The following CFAP47 variants were observed in gnomAD, a reference collection of about 807,000 sequenced individuals.
CFAP47 encodes the protein cilia and flagella associated protein 47.
A neutral mutation model predicts 148.1 loss-of-function variants in CFAP47; 29 were observed. The observed-to-expected ratio is 0.20, with a 90% CI of 0.15 to 0.27. The LOEUF (loss-of-function observed/expected upper bound fraction) is 0.27. Ranked by LOEUF, CFAP47 falls within the 10% of genes least tolerant of loss-of-function variation. CFAP47 has a pLI of 1.00. For synonymous variants in CFAP47, 664 were observed against 577.3 expected (o/e 1.15, Z -2.15); for missense variants, 1,872 against 1,697.5 (o/e 1.10, Z -1.81).
intron 26 of CFAP47, among the ~76,000 whole-genome samples, chrX:36,057,749 T>C (rs1228992891): frequency 9.0e-6 from 1 of 111,382 alleles, no homozygotes; most frequent in East Asian, 2.8e-4. Flanking sequence ...TCCTCAGGCT[T>C]ATTACAATTT....
intron 45 of CFAP47, among the ~76,000 whole-genome samples, chrX:36,227,403 C>T (rs990329822): frequency 9.0e-6 from 1 of 111,442 alleles, no homozygotes; most frequent in Non-Finnish European, 1.9e-5. Flanking sequence ...GCAACATAGA[C>T]ATGGAATATA....
intron 51 of CFAP47, among the ~76,000 whole-genome samples, chrX:36,289,451 A>G (rs1454354033): frequency 9.0e-6 from 1 of 111,633 alleles, no homozygotes; most frequent in Non-Finnish European, 1.9e-5. Flanking sequence ...GTTGTAAAAA[A>G]TTCTTAAATA....
In CFAP47 at chrX:36,233,849, G is replaced by T. The variant is rs1201382343; in HGVS notation, c.7015-2085G>T. Among the ~76,000 whole-genome samples, 409 of 110,592 alleles carry T rather than the reference G, an allele frequency of 3.7e-3. 1 individual carries two copies. Among genetic ancestry groups the T allele is most frequent in the African/African-American group, 0.013 (385 of 30,357 alleles). On this transcript the variant is annotated intron_variant, in intron 46 of 63. Coordinates refer to ENST00000378653, the MANE Select transcript of CFAP47 (RefSeq NM_001304548.2). ...TCTCAGCATTTGCTTGTCTGTAAAGGATTTTATTTCTCCTTCACTTATGAA... is the reference window on the plus strand; with the variant it reads ...TCTCAGCATTTGCTTGTCTGTAAAGTATTTTATTTCTCCTTCACTTATGAA...
intron 39 of CFAP47, among the ~76,000 whole-genome samples, chrX:36,170,976 A>C (rs1259331942): frequency 2.7e-5 from 3 of 109,791 alleles, no homozygotes; most frequent in Admixed American, 1.9e-4. Context: ...CTGACTTTTT[A>C]ATGATTGCCA....
At chrX:36,351,298 T>A (rs1444263399) in intron 59 of CFAP47, among the ~76,000 whole-genome samples, 1 of 112,216 alleles carries the variant, frequency 8.9e-6, no homozygotes, top group African/African-American at 3.2e-5. Context: ...ATAAATATTT[T>A]AAATATTATA....
chrX:36,121,243 A>C (rs1938737164), intron 33 of CFAP47, among the ~76,000 whole-genome samples: 3 of 111,084 alleles, frequency 2.7e-5, no homozygotes, highest in African/African-American at 6.5e-5. Context: ...ATTTTAGTCT[A>C]TGTGTACCTT....
chrX:36,306,876 G>C lies in CFAP47; in HGVS notation c.8187G>C (p.Gln2729His), dbSNP rs782079022. The change falls in exon 55 of 64, where the codon CAG (glutamine) becomes CAC (histidine). Residue 2729 changes from glutamine (Q) to histidine (H), a missense_variant and splice_region_variant. By Grantham distance (24) the Gln-to-His change is conservative. Coordinates refer to ENST00000378653, the MANE Select transcript of CFAP47 (RefSeq NM_001304548.2). ...CTTGCATCAACTTCTACTGTACTCA[G>C]GTATGATAGAGTATTCTTGGACCAA... is the stretch of plus-strand genomic sequence containing the variant. ...HQACINFYCTQFTEWKFYLSG... is the reference protein window; with the variant it reads ...HQACINFYCTHFTEWKFYLSG... The C allele has an allele frequency of 2.9e-6, 3 of 1,039,234 alleles. No homozygotes were observed. The highest frequency in any genetic ancestry group is 3.9e-6 in the Non-Finnish European group (3 of 775,335). 85.6% of individuals were successfully genotyped at this position (1,039,234 alleles called of 1,213,427 possible). A position where few individuals can be genotyped will look rare whatever the true frequency, so the allele number is the denominator to read the frequency against.
intron 40 of CFAP47, among the ~76,000 whole-genome samples, chrX:36,187,067 C>T (rs1382155642): frequency 1.8e-5 from 2 of 111,860 alleles, no homozygotes; most frequent in Non-Finnish European, 3.8e-5. Flanking sequence ...AGATTTATCA[C>T]TGGCTTTCTA....
intron 50 of CFAP47, among the ~76,000 whole-genome samples, chrX:36,284,464 C>A (rs1290131064): frequency 9.0e-6 from 1 of 111,223 alleles, no homozygotes; most frequent in African/African-American, 3.3e-5. Context: ...AAACAGGATG[C>A]AAAATAGTAC....
At chrX:36,308,538 G>A (rs868969948) in intron 55 of CFAP47, among the ~76,000 whole-genome samples, 2 of 111,434 alleles carry the variant, frequency 1.8e-5, no homozygotes, top group Middle Eastern at 4.7e-3. Context: ...ATGAACTTTT[G>A]AAAATGTGGT....
chrX:36,109,994 C>T (rs938258718), intron 33 of CFAP47, among the ~76,000 whole-genome samples: 1 of 111,038 alleles, frequency 9.0e-6, no homozygotes, highest in African/African-American at 3.3e-5. Context: ...TATAGATGAC[C>T]TTATATTCCT....
intron 26 of CFAP47, among the ~76,000 whole-genome samples, chrX:36,061,175 C>T (rs191967298): frequency 4.1e-4 from 45 of 111,024 alleles, no homozygotes; most frequent in African/African-American, 6.9e-4. Flanking sequence ...CCTCCTTCTC[C>T]GGCCGTGTAA....
At chrX:35,930,594 T>C (rs1045726472) in intron 2 of CFAP47, among the ~76,000 whole-genome samples, 1 of 111,510 alleles carries the variant, frequency 9.0e-6, no homozygotes, top group African/African-American at 3.3e-5. Context: ...TCTTTCAGAA[T>C]GTTTTAAATT....
At chrX:36,076,134 G>T (rs1467984734) in intron 29 of CFAP47, among the ~76,000 whole-genome samples, 3 of 108,709 alleles carry the variant, frequency 2.8e-5, no homozygotes, top group African/African-American at 1.0e-4. Context: ...GATCTTACTT[G>T]CATTCCTACC....
chrX:36,276,327 CCA>C (rs1224199925), intron 49 of CFAP47, among the ~76,000 whole-genome samples: 1 of 111,484 alleles, frequency 9.0e-6, no homozygotes, highest in Non-Finnish European at 1.9e-5. Flanking sequence ...TCTCTCACTA[CCA>C]GTGTTTGAGA....
Position 36,008,140 on chromosome X carries a change from C to A in CFAP47, c.3417+6433C>A, listed in dbSNP as rs777507067. Among the ~76,000 whole-genome samples, 3 of 111,331 alleles carry A rather than the reference C, an allele frequency of 2.7e-5. No individual in the cohort carries two copies. The South Asian group carries it at 1.2e-3, about 43-fold the overall frequency. On this transcript the variant is annotated intron_variant, in intron 21 of 63. Coordinates refer to ENST00000378653, the MANE Select transcript of CFAP47 (RefSeq NM_001304548.2). ...AGCCCCAGTAACTGTCGATTCAATT[C>A]ATCATGACTCAGATTCCTCTTTATT...
intron 56 of CFAP47, among the ~76,000 whole-genome samples, chrX:36,314,562 G>A (rs1461478916): frequency 8.9e-6 from 1 of 111,769 alleles, no homozygotes; most frequent in East Asian, 2.8e-4. Context: ...CTTACAGTCT[G>A]TTTACAGTTC....
At chrX:35,972,752 T>C (rs1446430298) in intron 13 of CFAP47, among the ~76,000 whole-genome samples, 2 of 111,801 alleles carry the variant, frequency 1.8e-5, no homozygotes, top group Admixed American at 1.9e-4. Flanking sequence ...TATACCACAC[T>C]TTGTTTATCA....
intron 55 of CFAP47, among the ~76,000 whole-genome samples, 155 bp downstream of exon 55, chrX:36,307,031 A>G (rs1556008988): frequency 8.9e-6 from 1 of 111,891 alleles, no homozygotes; most frequent in African/African-American, 3.2e-5. Flanking sequence ...TAAAATATGC[A>G]TTATGTACAT....
Sources: gnomAD v4.1 joint callset for allele counts (sites outside exome capture counted in the v4.1 genomes callset) on GRCh38, gnomAD v4.1.1 for gene constraint, MANE v1.5 for transcripts, NCBI Gene and HGNC (gene_info 2026-07-23, HGNC 2026-07-21) for gene names.